The following SCD5 variants were observed in gnomAD, a reference collection of about 807,000 sequenced individuals.
SCD5 encodes stearoyl-CoA desaturase 5.
A neutral mutation model predicts 30.4 loss-of-function variants in SCD5; 20 were observed. That is an observed-to-expected ratio of 0.66 (90% CI 0.46 to 0.96). The LOEUF (loss-of-function observed/expected upper bound fraction) is 0.96, where lower values mean the gene tolerates loss of function less well. SCD5 is among the 40% of genes least tolerant of loss of function. The pLI is 0.00. For synonymous variants in SCD5, 173 were observed against 176.4 expected, an observed-to-expected ratio of 0.98 and a Z score of 0.16; for missense variants, 381 against 443.3, an observed-to-expected ratio of 0.86 and a Z score of 1.26.
intron 1 of SCD5, among the ~76,000 whole-genome samples, chr4:82,738,653 A>G (rs1038691211): frequency 1.3e-5 from 2 of 152,112 alleles, no homozygotes; most frequent in Non-Finnish European, 2.9e-5. Context: ...GTCTCTGGAG[A>G]GGATCCTGGT....
At chr4:82,777,007 C>T (rs759590196) in intron 1 of SCD5, among the ~76,000 whole-genome samples, 3 of 152,260 alleles carry the variant, frequency 2.0e-5, no homozygotes, top group Non-Finnish European at 4.4e-5. Flanking sequence ...TGCTGAACTA[C>T]ATGCTGCGCC....
At chr4:82,782,501 T>C (rs948657710) in intron 1 of SCD5, among the ~76,000 whole-genome samples, 3 of 152,108 alleles carry the variant, frequency 2.0e-5, no homozygotes, top group Non-Finnish European at 4.4e-5. Context: ...AGGTTTCCTG[T>C]TCCTCTCCCA....
Position 82,798,707 on chromosome 4 carries a change from T to C in SCD5, c.-170A>G. The C allele has an allele frequency of 1.6e-6, 1 of 614,278 alleles. No homozygotes were observed. The highest frequency in any genetic ancestry group is 2.8e-6 in the Non-Finnish European group (1 of 361,802). 38.1% of individuals were successfully genotyped at this position (614,278 alleles called of 1,614,324 possible). A position where few individuals can be genotyped will look rare whatever the true frequency, so the allele number is the denominator to read the frequency against. ...GCTCCTGCGCTCTTCCCCAGGGTCT[T>C]AGCGTGGCCTAGGGATGCAGATCTT... On this transcript the variant is annotated 5_prime_UTR_variant, in exon 1 of 5. Coordinates refer to ENST00000319540, the MANE Select transcript of SCD5 (RefSeq NM_001037582.3).
intron 1 of SCD5, among the ~76,000 whole-genome samples, chr4:82,720,586 T>G (rs1245970333): frequency 4.6e-5 from 7 of 152,080 alleles, no homozygotes; most frequent in Non-Finnish European, 7.4e-5. Context: ...TAAATGCAGG[T>G]TAGAGGGGGA....
intron 4 of SCD5, among the ~76,000 whole-genome samples, chr4:82,634,399 G>A (rs1160908253): frequency 6.6e-6 from 1 of 152,020 alleles, no homozygotes; most frequent in African/African-American, 2.4e-5. Flanking sequence ...AAAGGATTTC[G>A]CTCTATAACG....
chr4:82,680,628 G>A (rs1728546351), intron 3 of SCD5, 79 bp downstream of exon 3: 1 of 1,281,540 alleles, frequency 7.8e-7, no homozygotes, highest in South Asian at 1.2e-5. Flanking sequence ...AACGCTATGG[G>A]GTTATGAGTC....
At chr4:82,675,651 A>G (rs1454544142) in intron 3 of SCD5, among the ~76,000 whole-genome samples, 2 of 152,214 alleles carry the variant, frequency 1.3e-5, no homozygotes, top group African/African-American at 4.8e-5. Flanking sequence ...ATTTACATGT[A>G]ACCTCTAGAG....
At chr4:82,760,286 G>T (rs559599189) in intron 1 of SCD5, among the ~76,000 whole-genome samples, 1 of 152,034 alleles carries the variant, frequency 6.6e-6, no homozygotes, top group Non-Finnish European at 1.5e-5. Context: ...CACCATCCAT[G>T]CCCTGAACCC....
At chr4:82,774,297 TA>T (rs35459169) in intron 1 of SCD5, among the ~76,000 whole-genome samples, 5 of 150,512 alleles carry the variant, frequency 3.3e-5, no homozygotes, top group East Asian at 3.9e-4. Context: ...ATACTGCCAT[TA>T]AAAAAAAATC....
chr4:82,701,981 C>A (rs1188394226), intron 2 of SCD5, among the ~76,000 whole-genome samples: 4 of 152,054 alleles, frequency 2.6e-5, no homozygotes, highest in African/African-American at 9.7e-5. Flanking sequence ...AAGTTGCAAG[C>A]AGTCTTTAGG....
At chr4:82,635,348 G>A (rs936441999) in intron 4 of SCD5, among the ~76,000 whole-genome samples, 3 of 152,032 alleles carry the variant, frequency 2.0e-5, no homozygotes, top group Admixed American at 6.6e-5. Context: ...GGCCGGGCAC[G>A]GTGGCTCACG....
intron 2 of SCD5, among the ~76,000 whole-genome samples, chr4:82,698,509 G>C (rs976113079): frequency 1.3e-5 from 2 of 152,180 alleles, no homozygotes; most frequent in African/African-American, 4.8e-5. Context: ...CCATGGAAAC[G>C]CATGAGGCCA....
chr4:82,703,959 A>C (rs1172135154), intron 2 of SCD5, among the ~76,000 whole-genome samples: 2 of 152,232 alleles, frequency 1.3e-5, no homozygotes, highest in Non-Finnish European at 2.9e-5. Context: ...TGAACAAATG[A>C]ACATGGAACC....
At position 82,669,520 on chromosome 4, in the gene SCD5, GGTT is replaced by G. The variant is rs1728262838; in HGVS notation, c.569+11184_569+11186del. ...TACAGAGAATCACAACATAGGGAGTGGTTCACAGGAACTAGTGGTGTGTTAGGA... is the reference window on the plus strand; with the variant it reads ...TACAGAGAATCACAACATAGGGAGTGCACAGGAACTAGTGGTGTGTTAGGA... On this transcript the variant is annotated intron_variant, in intron 3 of 4. Coordinates refer to ENST00000319540, the MANE Select transcript of SCD5 (RefSeq NM_001037582.3). Among the ~76,000 whole-genome samples the G allele has an allele frequency of 2.0e-5, 3 of 152,158 alleles. No homozygotes were observed. The South Asian group carries it at 6.2e-4, about 32-fold the overall frequency.
intron 2 of SCD5, among the ~76,000 whole-genome samples, chr4:82,702,671 T>C (rs1719878449): frequency 6.6e-6 from 1 of 152,156 alleles, no homozygotes; most frequent in Non-Finnish European, 1.5e-5. Flanking sequence ...TTTTGGCCAA[T>C]GGCATGACCA....
intron 3 of SCD5, among the ~76,000 whole-genome samples, chr4:82,656,713 A>G (rs1727874778): frequency 6.6e-6 from 1 of 152,114 alleles, no homozygotes; most frequent in Non-Finnish European, 1.5e-5. Context: ...TTATACTCCC[A>G]CCAACAGTGT....
At chr4:82,747,069 G>GCCCAACCTGCCCCCC (rs1553918955) in intron 1 of SCD5, among the ~76,000 whole-genome samples, 1 of 139,698 alleles carries the variant, frequency 7.2e-6, no homozygotes, top group Non-Finnish European at 1.6e-5. Flanking sequence ...TGGGCAACCT[G>GCCCAACCTGCCCCCC]CCCCCCAAGA....
chr4:82,768,582 C>T (rs141938069), intron 1 of SCD5, among the ~76,000 whole-genome samples: 1,700 of 152,214 alleles, frequency 0.011, 17 homozygotes, highest in Non-Finnish European at 0.015. Context: ...TAATGAAATG[C>T]ATTATTTGCA....
chr4:82,680,708 T>C lies in SCD5; in HGVS notation c.568A>G (p.Lys190Glu), dbSNP rs145164872. ...TCTCCGTCATGCCCATTCACTTACT[T>C]TCTCTGGATCCGGACCACAGGATCA... ...LADPVVRIQRKYYKISVVLMC... is the reference protein window; with the variant it reads ...LADPVVRIQREYYKISVVLMC... Residue 190 changes from lysine to glutamate, a missense_variant and splice_region_variant, in exon 3 of 5, where the codon AAG becomes GAG. Lys to Glu is a moderately conservative substitution (Grantham distance 56). Transcript: ENST00000319540. The C allele has an allele frequency of 3.3e-4, 532 of 1,613,982 alleles. 2 individuals carry two copies. The highest frequency in any genetic ancestry group is 3.9e-4 in the Non-Finnish European group (462 of 1,180,014).
Sources: gnomAD v4.1 joint callset for allele counts (sites outside exome capture counted in the v4.1 genomes callset) on GRCh38, gnomAD v4.1.1 for gene constraint, MANE v1.5 for transcripts, NCBI Gene and HGNC (gene_info 2026-07-23, HGNC 2026-07-21) for gene names.